The following FRMD6 variants were observed in gnomAD, a reference collection of about 807,000 sequenced individuals.
The protein encoded by FRMD6 is FERM domain-containing protein 6.
FRMD6 carries 37 observed loss-of-function variants against 73.2 expected under a neutral mutation model. That is an observed-to-expected ratio of 0.51 (90% CI 0.39 to 0.66). The LOEUF (loss-of-function observed/expected upper bound fraction) is 0.66, where lower values mean the gene tolerates loss of function less well. Ranked by LOEUF, FRMD6 falls within the 30% of genes least tolerant of loss-of-function variation. The pLI, the probability that FRMD6 is intolerant of heterozygous loss-of-function variation, is 0.00. For synonymous variants in FRMD6, 273 were observed against 282.2 expected, an observed-to-expected ratio of 0.97 and a Z score of 0.33; for missense variants, 714 against 780.5, an observed-to-expected ratio of 0.91 and a Z score of 1.02.
At chr14:51,443,162 G>C in the FRMD6 span, among the ~76,000 whole-genome samples, 1 of 152,190 alleles carries the variant, frequency 6.6e-6, no homozygotes, top group Non-Finnish European at 1.5e-5. Context: ...AAACATATTT[G>C]TTCCCTATCT....
At chr14:51,492,888 C>A (rs1883098275) in intron 1 of FRMD6, among the ~76,000 whole-genome samples, 1 of 152,164 alleles carries the variant, frequency 6.6e-6, no homozygotes, top group Non-Finnish European at 1.5e-5. Flanking sequence ...TAATTTGAAG[C>A]TCAAGTTGTT....
chr14:51,567,769 CTCCTT>C (rs1320118891), intron 1 of FRMD6, among the ~76,000 whole-genome samples: 5 of 152,172 alleles, frequency 3.3e-5, no homozygotes, highest in African/African-American at 9.7e-5. Context: ...GCTTAACTCT[CTCCTT>C]TCTTTGTTTC....
intron 6 of FRMD6, among the ~76,000 whole-genome samples, chr14:51,705,333 T>C (rs1296346422): frequency 6.6e-6 from 1 of 152,110 alleles, no homozygotes; most frequent in Non-Finnish European, 1.5e-5. Flanking sequence ...TGTCAACTTC[T>C]GGCTCCGGCC....
the FRMD6 span, among the ~76,000 whole-genome samples, chr14:51,435,499 A>G: frequency 1.3e-5 from 2 of 152,170 alleles, no homozygotes; most frequent in Admixed American, 1.3e-4. Flanking sequence ...GTACAAGTAA[A>G]CATTTGCTTT....
chr14:51,446,375 A>G, the FRMD6 span, among the ~76,000 whole-genome samples: 1 of 151,836 alleles, frequency 6.6e-6, no homozygotes, highest in African/African-American at 2.4e-5. Context: ...CTGCTGCCCA[A>G]GAGTATATGA....
At chr14:51,700,916 T>C in intron 3 of FRMD6, 140 bp from the exon 4 acceptor site, 1 of 433,184 alleles carries the variant, frequency 2.3e-6, no homozygotes, top group Non-Finnish European at 4.2e-6. Flanking sequence ...TCTTCTAGTA[T>C]CTCTTTGGGT....
At chr14:51,594,558 A>G (rs1253287473) in intron 2 of FRMD6, among the ~76,000 whole-genome samples, 1 of 151,182 alleles carries the variant, frequency 6.6e-6, no homozygotes, top group Non-Finnish European at 1.5e-5. Flanking sequence ...CGAACTCCCG[A>G]CCTCAAGTGA....
chr14:51,683,785 C>G (rs1363230215), intron 1 of FRMD6, among the ~76,000 whole-genome samples: 1 of 152,092 alleles, frequency 6.6e-6, no homozygotes, highest in Non-Finnish European at 1.5e-5. Context: ...AGATTAAGAT[C>G]CAGATTTGAC....
intron 2 of FRMD6, among the ~76,000 whole-genome samples, chr14:51,579,658 G>A (rs952064135): frequency 9.2e-5 from 14 of 152,108 alleles, no homozygotes; most frequent in African/African-American, 3.1e-4. Context: ...TAAATGATTT[G>A]GTGAGAGAAG....
intron 2 of FRMD6, among the ~76,000 whole-genome samples, chr14:51,594,677 G>T (rs1889613117): frequency 6.6e-6 from 1 of 151,840 alleles, no homozygotes; most frequent in Admixed American, 6.6e-5. Flanking sequence ...TGGTGAGGCT[G>T]GTCTAGAACT....
intron 1 of FRMD6, among the ~76,000 whole-genome samples, chr14:51,533,326 T>C (rs1885695508): frequency 6.6e-6 from 1 of 152,172 alleles, no homozygotes; most frequent in African/African-American, 2.4e-5. Context: ...AGGATTTATT[T>C]CTTAGAGTGG....
At chr14:51,536,260 A>T (rs1885885721) in intron 1 of FRMD6, among the ~76,000 whole-genome samples, 1 of 151,282 alleles carries the variant, frequency 6.6e-6, no homozygotes, top group African/African-American at 2.4e-5. Flanking sequence ...TGCCTAGCTA[A>T]TTAAAAAAAA....
the FRMD6 span, among the ~76,000 whole-genome samples, chr14:51,477,871 C>T: frequency 6.6e-6 from 1 of 152,136 alleles, no homozygotes; most frequent in African/African-American, 2.4e-5. Flanking sequence ...TCCCAAGTAG[C>T]TGGGATTACA....
At chr14:51,622,901 G>C (rs1370438789) in intron 2 of FRMD6, among the ~76,000 whole-genome samples, 1 of 152,134 alleles carries the variant, frequency 6.6e-6, no homozygotes, top group Non-Finnish European at 1.5e-5. Context: ...AAATAGCTGG[G>C]ACTACAGGCA....
At chr14:51,515,795 G>C (rs577702170) in intron 1 of FRMD6, among the ~76,000 whole-genome samples, 1 of 130,624 alleles carries the variant, frequency 7.7e-6, no homozygotes, top group Non-Finnish European at 1.7e-5. Context: ...CATTGAGGAA[G>C]TTGAGTTTTT....
chr14:51,399,843 G>C, the FRMD6 span, among the ~76,000 whole-genome samples: 1 of 151,992 alleles, frequency 6.6e-6, no homozygotes, highest in East Asian at 1.9e-4. Context: ...GAAATAAGAG[G>C]TTTTGTTAGA....
rs369811499 is a variant in FRMD6, at chr14:51,585,960, T to TATATATATAA, written c.-147+15551_-147+15552insTATATATAAA. Among the ~76,000 whole-genome samples the TATATATATAA allele has an allele frequency of 7.3e-4, 67 of 91,212 alleles. 1 individual carries two copies. The highest frequency in any genetic ancestry group is 1.3e-3 in the East Asian group (3 of 2,362). The allele number at this position is 91,212 out of a possible 152,430, so 59.8% of individuals were successfully genotyped here. A position where few individuals can be genotyped will look rare whatever the true frequency, so the allele number is the denominator to read the frequency against. On this transcript the variant is annotated intron_variant, in intron 2 of 14. Coordinates refer to the FRMD6 transcript ENST00000356218. ...GTGTGTATATATATATATATATATA[T>TATATATATAA]AACATTTTCTTTATCAAACCTTTGT...
chr14:51,614,392 T>A (rs552380202), intron 2 of FRMD6, among the ~76,000 whole-genome samples: 2 of 152,332 alleles, frequency 1.3e-5, no homozygotes, highest in African/African-American at 4.8e-5. Context: ...GTGGACTGTC[T>A]ACTCTAAAAG....
intron 1 of FRMD6, among the ~76,000 whole-genome samples, chr14:51,568,442 A>G (rs965035074): frequency 6.6e-6 from 1 of 152,258 alleles, no homozygotes; most frequent in Non-Finnish European, 1.5e-5. Context: ...GAAGTTCAAG[A>G]AATGAGTGAC....
Sources: gnomAD v4.1 joint callset for allele counts (sites outside exome capture counted in the v4.1 genomes callset) on GRCh38, gnomAD v4.1.1 for gene constraint, MANE v1.5 for transcripts, NCBI Gene and HGNC (gene_info 2026-07-23, HGNC 2026-07-21) for gene names.